The following ISLR2 variants were observed in gnomAD, a reference collection of about 807,000 sequenced individuals.
ISLR2 encodes the protein immunoglobulin superfamily containing leucine rich repeat 2.
ISLR2 carries 16 observed loss-of-function variants against 25.5 expected under a neutral mutation model. The observed-to-expected ratio is 0.63, with a 90% CI of 0.43 to 0.95. The LOEUF (loss-of-function observed/expected upper bound fraction) is 0.95, where lower values mean the gene tolerates loss of function less well. ISLR2 is among the 40% of genes least tolerant of loss of function. The pLI, the probability that ISLR2 is intolerant of heterozygous loss-of-function variation, is 0.00. For missense variants in ISLR2, 883 were observed against 1,030.7 expected, an observed-to-expected ratio of 0.86 and a Z score of 1.96; for synonymous variants, 508 against 486.6, an observed-to-expected ratio of 1.04 and a Z score of -0.58.
upstream of ISLR2, among the ~76,000 whole-genome samples, chr15:74,123,163 C>A (rs964588736): frequency 6.6e-6 from 1 of 152,142 alleles, no homozygotes; most frequent in Admixed American, 6.5e-5. Flanking sequence ...ACTCCCTCTG[C>A]CCACAGAGCA....
chr15:74,105,058 T>C (rs1291662956), intron 2 of ISLR2, among the ~76,000 whole-genome samples: 4 of 18,002 alleles, frequency 2.2e-4, no homozygotes, highest in Admixed American at 1.7e-3. Context: ...AAGAATGAGA[T>C]GGATCTTTTC....
At chr15:74,128,814 C>T (rs1372036422), upstream of ISLR2, 10 of 406,408 alleles carry the variant, frequency 2.5e-5, no homozygotes, top group Non-Finnish European at 4.4e-5. Flanking sequence ...CAAGACCGCC[C>T]CCTCAGGGTT....
At chr15:74,102,178 A>G (rs2072085707) in intron 1 of ISLR2, among the ~76,000 whole-genome samples, 1 of 91,778 alleles carries the variant, frequency 1.1e-5, no homozygotes, top group South Asian at 5.0e-4. Context: ...AGATTGCACC[A>G]CTGCATTTCA....
chr15:74,102,886 A>T (rs868832428), intron 1 of ISLR2, among the ~76,000 whole-genome samples: 15 of 150,694 alleles, frequency 1.0e-4, no homozygotes, highest in African/African-American at 3.7e-4. Context: ...TTGGCTCACT[A>T]CAGCCTTCAC....
intron 2 of ISLR2, among the ~76,000 whole-genome samples, chr15:74,108,945 T>A (rs945223513): frequency 7.9e-5 from 12 of 152,202 alleles, no homozygotes; most frequent in Non-Finnish European, 1.2e-4. Flanking sequence ...GGTGCGGGGC[T>A]GCTCTATCTG....
chr15:74,120,084 A>G (rs192672780), intron 2 of ISLR2, among the ~76,000 whole-genome samples: 1 of 152,314 alleles, frequency 6.6e-6, no homozygotes, highest in Admixed American at 6.5e-5. Context: ...GGCATCAGCA[A>G]GAAACAGTGC....
Position 74,135,058 on chromosome 15 carries a change from G to A in ISLR2, c.*66G>A. 1 of 1,556,368 alleles carries A rather than the reference G, an allele frequency of 6.4e-7. No homozygotes were observed. The highest frequency in any genetic ancestry group is 8.7e-7 in the Non-Finnish European group (1 of 1,147,836). On this transcript the variant is annotated 3_prime_UTR_variant, in exon 3 of 3. Coordinates refer to ENST00000453268, the MANE Select transcript of ISLR2 (RefSeq NM_020851.3). ...AGGGTGCCTGGGAGCAGCAGTCTAG[G>A]GCTGGCAGGACTTATGTCCCCCGTC...
chr15:74,118,004 TCG>T (rs2072224214), intron 2 of ISLR2, among the ~76,000 whole-genome samples: 1 of 152,208 alleles, frequency 6.6e-6, no homozygotes, highest in Non-Finnish European at 1.5e-5. Flanking sequence ...GGTGCCCTTC[TCG>T]CTAGTGTCTG....
At chr15:74,138,288 C>CTTTTTT (rs34518777), downstream of ISLR2, 65 of 91,576 alleles carry the variant, frequency 7.1e-4, no homozygotes, top group Non-Finnish European at 1.1e-3. Context: ...TTTCTTTTCT[C>CTTTTTT]TTTTTTTTTT....
At chr15:74,139,863 AGTGTGTGTGTGTGTGTGTGTGTGT>A (rs10579764), downstream of ISLR2, among the ~76,000 whole-genome samples, 3 of 128,112 alleles carry the variant, frequency 2.3e-5, no homozygotes, top group Non-Finnish European at 5.0e-5. Context: ...CGGCTTGAGG[AGTGTGTGTGTGTGTGTGTGTGTGT>A]GTGTGTGTGT....
upstream of ISLR2, chr15:74,126,073 GGT>G (rs995305333): frequency 6.6e-6 from 1 of 152,040 alleles, no homozygotes. Context: ...ATATACCCAT[GGT>G]GTGTGTGTGT....
At chr15:74,127,464 G>A (rs537516177), upstream of ISLR2, 1 of 152,266 alleles carries the variant, frequency 6.6e-6, no homozygotes, top group African/African-American at 2.4e-5. Context: ...CGCGAAGTAG[G>A]GACAGCGCCT....
At chr15:74,120,632 G>A (rs1248380410) in intron 2 of ISLR2, among the ~76,000 whole-genome samples, 1 of 152,032 alleles carries the variant, frequency 6.6e-6, no homozygotes, top group African/African-American at 2.4e-5. Flanking sequence ...TTGGGAACAG[G>A]GAGCTGTGTG....
intron 2 of ISLR2, among the ~76,000 whole-genome samples, chr15:74,112,783 C>T (rs1261660438): frequency 1.3e-5 from 2 of 151,576 alleles, no homozygotes; most frequent in Non-Finnish European, 2.9e-5. Context: ...CCACCTCAGC[C>T]TCCTAAAGTG....
chr15:74,105,476 T>A, intron 2 of ISLR2, among the ~76,000 whole-genome samples: 1 of 77,078 alleles, frequency 1.3e-5, no homozygotes. Flanking sequence ...TGCCCTCTGA[T>A]GGCTCAGACA....
upstream of ISLR2, chr15:74,128,671 G>A: frequency 4.4e-6 from 2 of 456,178 alleles, no homozygotes; most frequent in South Asian, 3.1e-5. Context: ...AAAACCGGCG[G>A]AGGGCCTTGA....
rs2072215893 is a variant in ISLR2, at chr15:74,116,955, C to G, written n.228+13041C>G. ...TGTTAGCTTCTAAGCATACTCATAT[C>G]AATTGCATATTTAGGGACAGAGAAA... On this transcript the variant is annotated intron_variant and non_coding_transcript_variant, in intron 2 of 3. Transcript: ENST00000561975. 3.9e-5 allele frequency among the ~76,000 whole-genome samples: 6 copies of G among 152,320 alleles called. No individual in the cohort carries two copies. In the South Asian group the frequency reaches 1.2e-3, roughly 32 times the overall value.
chr15:74,121,532 T>A (rs1244022745), intron 2 of ISLR2, among the ~76,000 whole-genome samples: 1 of 151,968 alleles, frequency 6.6e-6, no homozygotes, highest in Non-Finnish European at 1.5e-5. Flanking sequence ...AGTGAGAATG[T>A]GACAGACCCA....
At position 74,134,826 on chromosome 15, in the gene ISLR2, A is replaced by T; in HGVS notation, c.2072A>T (p.Gln691Leu). The change falls in exon 3 of 3, where the codon CAG becomes CTG. Residue 691 changes from glutamine to leucine, a missense_variant. Gln to Leu is a moderately radical substitution (Grantham distance 113). This residue lies in a region of ISLR2 where 612 missense variants were observed against 642.8 expected (regional missense o/e 0.95). Transcript: ENST00000453268. ...CAGGGAGACCCAAGTGGGGACCTGC[A>T]GAGAGAGGAGAGCCTGGCGGCCTGC... ...AEQGDPSGDL[Q>L]REESLAACSL... The T allele has an allele frequency of 1.2e-6, 2 of 1,614,130 alleles. No homozygotes were observed. Among genetic ancestry groups the T allele is most frequent in the Non-Finnish European group, 1.7e-6 (2 of 1,180,008 alleles).
Sources: gnomAD v4.1 joint callset for allele counts (sites outside exome capture counted in the v4.1 genomes callset) on GRCh38, gnomAD v4.1.1 for gene constraint, gnomAD v4.1.1 regional missense constraint, MANE v1.5 for transcripts, NCBI Gene and HGNC (gene_info 2026-07-23, HGNC 2026-07-21) for gene names.